Variants in SLC25A21 observed in about 807,000 individuals in gnomAD.
The protein encoded by SLC25A21 is mitochondrial 2-oxodicarboxylate carrier.
In SLC25A21, 47 loss-of-function variants were observed where a neutral mutation model predicts 43.8. The ratio of observed to expected loss-of-function variants is 1.07; its 90% CI spans 0.85 to 1.37. SLC25A21 has a LOEUF of 1.37. Among genes scored for constraint, SLC25A21 ranks in the 40% most tolerant of loss-of-function variants. The pLI is 0.00. For synonymous variants in SLC25A21, 131 were observed against 121.3 expected, an observed-to-expected ratio of 1.08 and a Z score of -0.52; for missense variants, 352 against 350.2, an observed-to-expected ratio of 1.00 and a Z score of -0.04.
At position 36,933,875 on chromosome 14, in the gene SLC25A21, C is replaced by A. The variant is rs534744682; in HGVS notation, c.71-58871G>T. Among the ~76,000 whole-genome samples, 3 of 152,260 alleles carry A rather than the reference C, an allele frequency of 2.0e-5. No homozygotes were observed. The South Asian group carries it at 6.2e-4, about 32-fold the overall frequency. On this transcript the variant is annotated intron_variant, in intron 1 of 9. Coordinates refer to ENST00000331299, the MANE Select transcript of SLC25A21 (RefSeq NM_030631.4). ...TCTTTTCACCTTACTCACAACTATT[C>A]TTCTTTCAGTTACTGTAAGGGAATA...
intron 1 of SLC25A21, among the ~76,000 whole-genome samples, chr14:36,969,026 A>G (rs1429682545): frequency 6.6e-6 from 1 of 152,246 alleles, no homozygotes; most frequent in African/African-American, 2.4e-5. Flanking sequence ...TTTTTTAATT[A>G]TGAAGTTGCG....
intron 3 of SLC25A21, among the ~76,000 whole-genome samples, chr14:36,753,105 A>C (rs1885772201): frequency 6.6e-6 from 1 of 152,136 alleles, no homozygotes. Flanking sequence ...ATGGGTTCAG[A>C]GTTTCAGTTT....
chr14:36,711,240 A>G (rs1883846283), intron 7 of SLC25A21, 78 bp downstream of exon 7: 4 of 1,346,672 alleles, frequency 3.0e-6, no homozygotes, highest in Non-Finnish European at 4.2e-6. Flanking sequence ...TGACCAGGAC[A>G]GGATAAACAT....
chr14:37,018,845 T>A (rs1470862680), intron 1 of SLC25A21, among the ~76,000 whole-genome samples: 3 of 152,008 alleles, frequency 2.0e-5, no homozygotes, highest in Non-Finnish European at 4.4e-5. Flanking sequence ...AATGACATTA[T>A]TTTTATAACA....
At chr14:37,139,509 C>G in intron 1 of SLC25A21, among the ~76,000 whole-genome samples, 1 of 151,930 alleles carries the variant, frequency 6.6e-6, no homozygotes, top group South Asian at 2.1e-4. Flanking sequence ...TACCTTTATC[C>G]CTCCATATAT....
intron 1 of SLC25A21, among the ~76,000 whole-genome samples, chr14:37,061,833 T>C (rs2138812776): frequency 6.6e-6 from 1 of 152,346 alleles, no homozygotes; most frequent in Middle Eastern, 3.4e-3. Context: ...GAGAGTTCCC[T>C]GCACTTCAAA....
Position 36,684,745 on chromosome 14 carries a change from C to T in SLC25A21, c.784G>A (p.Gly262Arg), listed in dbSNP as rs1273484414. Residue 262 changes from glycine to arginine, a missense_variant and splice_region_variant, in exon 8 of 10, where the codon GGG becomes AGG. By Grantham distance (125) the Gly-to-Arg change is moderately radical (BLOSUM62 -2). Transcript: ENST00000331299. ...TAAAATAAGAATGTGTTATGTTACC[C>T]TTCTTCCTGATAGACTGTTGCCATT... ...KTMATVYQEE[G>R]ILALYKGLLP... The T allele has an allele frequency of 6.2e-7, 1 of 1,601,982 alleles. No individual in the cohort carries two copies. The highest frequency in any genetic ancestry group is 1.1e-5 in the South Asian group (1 of 88,588).
intron 1 of SLC25A21, among the ~76,000 whole-genome samples, chr14:36,981,868 A>G (rs1960033673): frequency 6.6e-6 from 1 of 152,182 alleles, no homozygotes; most frequent in East Asian, 1.9e-4. Flanking sequence ...AAAAAAATAA[A>G]TAAAAAACTG....
chr14:36,770,005 G>T lies in SLC25A21; in HGVS notation c.204-35432C>A, dbSNP rs184177231. On this transcript the variant is annotated intron_variant, in intron 3 of 9. Coordinates refer to ENST00000331299, the MANE Select transcript of SLC25A21 (RefSeq NM_030631.4). ...TGAGAGCGGCAGCCACATATCTGTA[G>T]TAAGCCATCTAGAATCCATCCTTCC... Among the ~76,000 whole-genome samples the T allele has an allele frequency of 1.6e-3, 239 of 152,274 alleles. 2 individuals carry two copies. The highest frequency in any genetic ancestry group is 2.0e-3 in the Non-Finnish European group (135 of 68,026).
intron 3 of SLC25A21, among the ~76,000 whole-genome samples, chr14:36,751,697 C>T (rs182526199): frequency 2.8e-4 from 43 of 152,262 alleles, no homozygotes; most frequent in Admixed American, 5.2e-4. Context: ...AGTTATCAAT[C>T]GTACTTCTAA....
At chr14:36,982,595 G>C (rs1960053666) in intron 1 of SLC25A21, among the ~76,000 whole-genome samples, 1 of 151,954 alleles carries the variant, frequency 6.6e-6, no homozygotes, top group African/African-American at 2.4e-5. Flanking sequence ...CAGATGGATT[G>C]CTTGAGCTCA....
At chr14:37,168,097 C>G (rs994143871) in intron 1 of SLC25A21, among the ~76,000 whole-genome samples, 15 of 152,092 alleles carry the variant, frequency 9.9e-5, no homozygotes, top group African/African-American at 3.6e-4. Flanking sequence ...ACATTTTCAA[C>G]AAACTTCCAG....
intron 3 of SLC25A21, among the ~76,000 whole-genome samples, chr14:36,811,520 G>A (rs1594609535): frequency 6.6e-6 from 1 of 151,922 alleles, no homozygotes; most frequent in African/African-American, 2.4e-5. Flanking sequence ...GTGTGGTGGT[G>A]GGCACCTGTA....
At chr14:37,000,810 C>T (rs1960472712) in intron 1 of SLC25A21, among the ~76,000 whole-genome samples, 3 of 146,434 alleles carry the variant, frequency 2.0e-5, no homozygotes, top group East Asian at 1.9e-4. Flanking sequence ...CACTGCCTCG[C>T]TCTCCCTGCT....
At chr14:37,099,050 GC>G (rs930240443) in intron 1 of SLC25A21, among the ~76,000 whole-genome samples, 49 of 152,106 alleles carry the variant, frequency 3.2e-4, no homozygotes, top group African/African-American at 1.1e-3. Context: ...TGATCCGCCT[GC>G]CTCGGCCTCC....
chr14:37,008,596 C>T (rs1450920965), intron 1 of SLC25A21, among the ~76,000 whole-genome samples: 2 of 152,174 alleles, frequency 1.3e-5, no homozygotes, highest in East Asian at 3.9e-4. Context: ...CACAACTACT[C>T]AATCCACCTG....
chr14:36,963,852 G>A (rs1460696810), intron 1 of SLC25A21, among the ~76,000 whole-genome samples: 1 of 152,138 alleles, frequency 6.6e-6, no homozygotes. Context: ...GTGGAAGGAT[G>A]CTCAAAGTGC....
At chr14:37,110,239 T>C (rs1962993726) in intron 1 of SLC25A21, among the ~76,000 whole-genome samples, 1 of 152,182 alleles carries the variant, frequency 6.6e-6, no homozygotes, top group South Asian at 2.1e-4. Flanking sequence ...GAGGTTGCAT[T>C]GGTTTGCAGA....
At chr14:37,132,417 G>A (rs1401771203) in intron 1 of SLC25A21, among the ~76,000 whole-genome samples, 1 of 152,118 alleles carries the variant, frequency 6.6e-6, no homozygotes, top group Admixed American at 6.5e-5. Context: ...TAGGTTGAAA[G>A]TGCAAATTTA....
Sources: allele counts gnomAD v4.1 joint callset (sites outside exome capture counted in the v4.1 genomes callset), GRCh38; gene constraint gnomAD v4.1.1; transcripts MANE v1.5; gene names NCBI Gene and HGNC (gene_info 2026-07-23, HGNC 2026-07-21).